Variants in STAG1 observed in about 807,000 individuals in gnomAD.
STAG1 encodes cohesin subunit SA-1.
STAG1 carries 26 observed loss-of-function variants against 170.9 expected under a neutral mutation model. The ratio of observed to expected loss-of-function variants is 0.15; its 90% confidence interval spans 0.11 to 0.21. The LOEUF (loss-of-function observed/expected upper bound fraction) is 0.21, where lower values mean the gene tolerates loss of function less well. Among genes scored for constraint, STAG1 ranks in the 10% least tolerant of loss-of-function variants. The probability of loss-of-function intolerance (pLI) is 1.00; values close to 1 mark genes in which losing one functional copy is unlikely to be tolerated. For missense variants in STAG1, 964 were observed against 1,509.5 expected, an observed-to-expected ratio of 0.64 and a Z score of 5.99; for synonymous variants, 514 against 497.7, an observed-to-expected ratio of 1.03 and a Z score of -0.44.
intron 1 of STAG1, among the ~76,000 whole-genome samples, chr3:136,688,434 C>G (rs1942611938): frequency 6.6e-6 from 1 of 152,116 alleles, no homozygotes; most frequent in South Asian, 2.1e-4. Flanking sequence ...GAATCTCACT[C>G]TGTTGCCAAG....
chr3:136,492,610 A>T (rs2107847174), intron 9 of STAG1, among the ~76,000 whole-genome samples: 1 of 152,326 alleles, frequency 6.6e-6, no homozygotes, highest in African/African-American at 2.4e-5. Context: ...CTGAGAGGGG[A>T]TAACACAAGA....
chr3:136,740,532 G>A (rs759891331), intron 1 of STAG1, among the ~76,000 whole-genome samples: 4 of 152,158 alleles, frequency 2.6e-5, no homozygotes, highest in Non-Finnish European at 5.9e-5. Context: ...CCAGGCTGGA[G>A]TGTAGTGGCG....
At chr3:136,475,407 A>G (rs1461500683) in intron 10 of STAG1, among the ~76,000 whole-genome samples, 1 of 152,108 alleles carries the variant, frequency 6.6e-6, no homozygotes, top group Non-Finnish European at 1.5e-5. Context: ...TCTGCCTCCC[A>G]AAATGCTGAG....
chr3:136,604,249 G>T (rs890992704), intron 4 of STAG1, 60 bp downstream of exon 4: 137 of 1,489,526 alleles, frequency 9.2e-5, no homozygotes, highest in Non-Finnish European at 1.1e-4. Flanking sequence ...CACACTAACT[G>T]ATTCCACCCA....
chr3:136,620,828 C>T (rs1939812147), intron 3 of STAG1, among the ~76,000 whole-genome samples: 1 of 152,148 alleles, frequency 6.6e-6, no homozygotes, highest in Admixed American at 6.5e-5. Context: ...TGAACATGCA[C>T]TATTTACTTA....
chr3:136,725,574 G>T (rs1933617113), intron 1 of STAG1, among the ~76,000 whole-genome samples: 2 of 152,154 alleles, frequency 1.3e-5, no homozygotes, highest in Admixed American at 1.3e-4. Flanking sequence ...GATGACTTAT[G>T]GGATATGAGA....
chr3:136,705,871 A>G (rs1158205441), intron 1 of STAG1, among the ~76,000 whole-genome samples: 1 of 152,030 alleles, frequency 6.6e-6, no homozygotes, highest in Non-Finnish European at 1.5e-5. Context: ...GCCAGACACA[A>G]TGGCTCATGC....
chr3:136,440,067 C>T (rs1370462524), intron 15 of STAG1, among the ~76,000 whole-genome samples: 1 of 152,210 alleles, frequency 6.6e-6, no homozygotes, highest in Non-Finnish European at 1.5e-5. Flanking sequence ...CTGACTTACA[C>T]ATCTTATTAA....
At chr3:136,603,430 A>C (rs1315267111) in intron 4 of STAG1, among the ~76,000 whole-genome samples, 1 of 152,236 alleles carries the variant, frequency 6.6e-6, no homozygotes, top group Admixed American at 6.5e-5. Flanking sequence ...AATGTTAAAA[A>C]TGTAGAGACG....
At chr3:136,713,582 C>CAAAA (rs139182292) in intron 1 of STAG1, among the ~76,000 whole-genome samples, 1 of 119,974 alleles carries the variant, frequency 8.3e-6, no homozygotes, top group Non-Finnish European at 1.8e-5. Flanking sequence ...AACTCCACCT[C>CAAAA]AAAAAAAAAA....
At chr3:136,489,345 T>C (rs2090078087) in intron 9 of STAG1, among the ~76,000 whole-genome samples, 1 of 152,234 alleles carries the variant, frequency 6.6e-6, no homozygotes, top group African/African-American at 2.4e-5. Flanking sequence ...TTTCTGCTTA[T>C]AACAAAATGA....
intron 1 of STAG1, among the ~76,000 whole-genome samples, chr3:136,740,949 A>C (rs1051830761): frequency 1.3e-5 from 2 of 152,234 alleles, no homozygotes; most frequent in East Asian, 1.9e-4. Context: ...GAAAAACTTA[A>C]GCAAATAACA....
At chr3:136,497,360 C>T (rs1477655706) in intron 9 of STAG1, among the ~76,000 whole-genome samples, 1 of 152,118 alleles carries the variant, frequency 6.6e-6, no homozygotes, top group African/African-American at 2.4e-5. Context: ...TCACATACAA[C>T]CATATATAGA....
chr3:136,512,670 T>G (rs1248452172), intron 7 of STAG1, among the ~76,000 whole-genome samples: 4 of 151,858 alleles, frequency 2.6e-5, no homozygotes, highest in Admixed American at 2.6e-4. Context: ...GACTGGAAGA[T>G]CCTTCTGCAA....
In STAG1 at chr3:136,343,151, T is replaced by G. The variant is rs1936051968; in HGVS notation, c.3446+681A>C. 4.6e-5 allele frequency among the ~76,000 whole-genome samples: 7 copies of G among 152,302 alleles called. No homozygotes were observed. In the South Asian group the frequency reaches 8.3e-4, roughly 18 times the overall value. On this transcript the variant is annotated intron_variant, in intron 30 of 33. Transcript: ENST00000383202. ...AGAGTAATTCACAGCATTACCCAAC[T>G]ATACACAGAAACACAAGTGAGGAGC...
At chr3:136,657,192 T>TC (rs201792807) in intron 1 of STAG1, among the ~76,000 whole-genome samples, 26 of 65,516 alleles carry the variant, frequency 4.0e-4, no homozygotes, top group African/African-American at 1.0e-3. Flanking sequence ...TTTCTTTCTT[T>TC]TTTTTTTTTT....
At chr3:136,478,891 C>G (rs1016014271) in intron 9 of STAG1, among the ~76,000 whole-genome samples, 10 of 151,988 alleles carry the variant, frequency 6.6e-5, no homozygotes, top group African/African-American at 1.9e-4. Flanking sequence ...GCTGTGTGAC[C>G]TTGGGTATTT....
At chr3:136,695,296 T>C (rs113387530) in intron 1 of STAG1, among the ~76,000 whole-genome samples, 199 of 81,200 alleles carry the variant, frequency 2.5e-3, no homozygotes, top group African/African-American at 0.023. Flanking sequence ...TAATCAGCTA[T>C]GTGTGGTGGT....
At chr3:136,546,730 T>C (rs559116283) in intron 5 of STAG1, among the ~76,000 whole-genome samples, 8 of 152,318 alleles carry the variant, frequency 5.3e-5, no homozygotes, top group East Asian at 1.9e-4. Flanking sequence ...CCACATTGTA[T>C]ACAAATCCAT....
Sources: gnomAD v4.1 joint callset for allele counts (sites outside exome capture counted in the v4.1 genomes callset) on GRCh38, gnomAD v4.1.1 for gene constraint, MANE v1.5 for transcripts, NCBI Gene and HGNC (gene_info 2026-07-23, HGNC 2026-07-21) for gene names.